Variants in ADGRB3 observed in about 807,000 individuals in gnomAD.
ADGRB3 encodes brain-specific angiogenesis inhibitor 3.
ADGRB3 carries 37 observed loss-of-function variants against 193.4 expected under a neutral mutation model. The observed-to-expected ratio is 0.19, with a 90% CI of 0.15 to 0.25. The LOEUF is 0.25. Among genes scored for constraint, ADGRB3 ranks in the 10% least tolerant of loss-of-function variants. The probability of loss-of-function intolerance (pLI) is 1.00; values close to 1 mark genes in which losing one functional copy is unlikely to be tolerated. For synonymous variants in ADGRB3, 690 were observed against 644.2 expected, an observed-to-expected ratio of 1.07 and a Z score of -1.08; for missense variants, 1,637 against 1,852.9, an observed-to-expected ratio of 0.88 and a Z score of 2.14.
intron 11 of ADGRB3, among the ~76,000 whole-genome samples, chr6:69,010,054 C>T (rs1053881791): frequency 3.3e-5 from 5 of 151,930 alleles, no homozygotes; most frequent in African/African-American, 1.2e-4. Context: ...AATCTAGGGC[C>T]TCTACTTTGA....
chr6:69,288,872 A>G (rs190586123), intron 20 of ADGRB3, among the ~76,000 whole-genome samples: 5 of 152,238 alleles, frequency 3.3e-5, no homozygotes, highest in East Asian at 1.9e-4. Context: ...AGGTGGTGTT[A>G]TTGGTACAAG....
At chr6:68,996,501 A>G (rs887184545) in intron 11 of ADGRB3, among the ~76,000 whole-genome samples, 2 of 152,204 alleles carry the variant, frequency 1.3e-5, no homozygotes, top group Non-Finnish European at 1.5e-5. Flanking sequence ...TACACTCCAC[A>G]TATGTAGGTT....
At chr6:69,382,785 A>G in intron 30 of ADGRB3, 46 bp from the exon 31 acceptor site, 1 of 1,360,402 alleles carries the variant, frequency 7.4e-7, no homozygotes, top group Non-Finnish European at 1.0e-6. Flanking sequence ...TGTTTGAAAA[A>G]CATACATCAA....
intron 3 of ADGRB3, among the ~76,000 whole-genome samples, chr6:68,653,366 G>C (rs553762156): frequency 1.9e-4 from 29 of 152,160 alleles, no homozygotes; most frequent in Non-Finnish European, 3.1e-4. Flanking sequence ...GTGGATTGGG[G>C]AACAGTTGTG....
Position 69,332,948 on chromosome 6 carries a change from T to C in ADGRB3, c.3128T>C (p.Val1043Ala). The change falls in exon 24 of 32, where the codon GTA becomes GCA. Residue 1043 changes from valine (V) to alanine (A), a missense_variant. Val to Ala is a moderately conservative substitution (Grantham distance 64). Transcript: ENST00000370598. ...GTCAACATGGTGATTGGCATTTTGG[T>C]ATTTAATAAACTTGTTTCCAGAGAT... ...VLVNMVIGILVFNKLVSRDGI... is the reference protein window; with the variant it reads ...VLVNMVIGILAFNKLVSRDGI... The C allele has an allele frequency of 6.2e-7, 1 of 1,613,950 alleles. No homozygotes were observed. The highest frequency in any genetic ancestry group is 2.2e-5 in the East Asian group (1 of 44,846).
At position 69,063,257 on chromosome 6, in the gene ADGRB3, A is replaced by G. The variant is rs1333608173; in HGVS notation, c.2436+221A>G. On this transcript the variant is annotated intron_variant, in intron 16 of 31. Transcript: ENST00000370598. ...ATCCAAATGAGTATATGTATTATAAAGAAACAAAGAATGGTTATTCTATGC... is the reference window on the plus strand; with the variant it reads ...ATCCAAATGAGTATATGTATTATAAGGAAACAAAGAATGGTTATTCTATGC... Among the ~76,000 whole-genome samples, 5 of 152,054 alleles carry G rather than the reference A, an allele frequency of 3.3e-5. No homozygotes were observed. In the South Asian group the frequency reaches 1.0e-3, roughly 31 times the overall value.
At chr6:69,029,590 A>G (rs935947372) in intron 13 of ADGRB3, among the ~76,000 whole-genome samples, 12 of 152,216 alleles carry the variant, frequency 7.9e-5, no homozygotes, top group Non-Finnish European at 1.5e-4. Flanking sequence ...GGGAAAATCA[A>G]TAGGAAAAGT....
intron 13 of ADGRB3, among the ~76,000 whole-genome samples, chr6:69,023,079 G>C (rs552310706): frequency 6.6e-6 from 1 of 152,084 alleles, no homozygotes; most frequent in African/African-American, 2.4e-5. Flanking sequence ...TCATTGAACT[G>C]AATTCAAGGA....
At chr6:69,209,677 G>A (rs1282262049) in intron 17 of ADGRB3, among the ~76,000 whole-genome samples, 1 of 152,214 alleles carries the variant, frequency 6.6e-6, no homozygotes, top group Admixed American at 6.5e-5. Context: ...CTTGCCAGCT[G>A]AAGGCAAATT....
chr6:69,113,678 A>C (rs756666470), intron 17 of ADGRB3, among the ~76,000 whole-genome samples: 11 of 152,208 alleles, frequency 7.2e-5, no homozygotes, highest in Non-Finnish European at 1.3e-4. Flanking sequence ...AAAGTGTGAG[A>C]AAAATAAACT....
At chr6:68,678,700 T>TTG (rs137961669) in intron 3 of ADGRB3, among the ~76,000 whole-genome samples, 89 of 151,294 alleles carry the variant, frequency 5.9e-4, no homozygotes, top group East Asian at 4.8e-3. Context: ...TTGCATCTAT[T>TTG]TGTGTGTGTG....
At chr6:69,279,103 A>ATATATATATATATG (rs1767368825) in intron 20 of ADGRB3, among the ~76,000 whole-genome samples, 2 of 134,774 alleles carry the variant, frequency 1.5e-5, no homozygotes, top group Non-Finnish European at 3.2e-5. Context: ...ATATATATAT[A>ATATATATATATATG]TATATATATA....
At chr6:69,031,550 T>TTTCTTTCTTTCTTTCTTTCTTTCTTTC in intron 13 of ADGRB3, among the ~76,000 whole-genome samples, 1,165 of 70,094 alleles carry the variant, frequency 0.017, 207 homozygotes, top group East Asian at 0.03. Context: ...TCTTTCTTTC[T>TTTCTTTCTTTCTTTCTTTCTTTCTTTC]TTTTCTTTCT....
intron 6 of ADGRB3, among the ~76,000 whole-genome samples, chr6:68,950,352 C>A (rs1440221220): frequency 6.6e-6 from 1 of 152,088 alleles, no homozygotes; most frequent in Non-Finnish European, 1.5e-5. Flanking sequence ...AGTGTTGATT[C>A]TGACCTGGCT....
At chr6:69,248,629 T>C (rs1766547992) in intron 20 of ADGRB3, among the ~76,000 whole-genome samples, 1 of 152,248 alleles carries the variant, frequency 6.6e-6, no homozygotes, top group African/African-American at 2.4e-5. Flanking sequence ...TTAGGCTTTG[T>C]AGGACATATG....
chr6:69,126,040 G>T (rs566367348), intron 17 of ADGRB3, among the ~76,000 whole-genome samples: 2 of 152,016 alleles, frequency 1.3e-5, no homozygotes, highest in African/African-American at 4.8e-5. Context: ...TGTGCTTTTC[G>T]CCCTAGATAC....
intron 3 of ADGRB3, among the ~76,000 whole-genome samples, chr6:68,750,327 G>T (rs572241978): frequency 8.5e-5 from 13 of 152,234 alleles, no homozygotes; most frequent in African/African-American, 3.1e-4. Flanking sequence ...TACAATCTAT[G>T]TGACTCGGGG....
chr6:69,040,488 G>T (rs1771022516), intron 13 of ADGRB3, among the ~76,000 whole-genome samples: 1 of 151,074 alleles, frequency 6.6e-6, no homozygotes, highest in African/African-American at 2.4e-5. Context: ...TACAAGAGTT[G>T]GGTATATGGC....
intron 3 of ADGRB3, among the ~76,000 whole-genome samples, chr6:68,820,436 C>T (rs1767728326): frequency 6.6e-6 from 1 of 151,824 alleles, no homozygotes; most frequent in South Asian, 2.1e-4. Flanking sequence ...GTGTAACGGT[C>T]ACACCAGGGT....
Sources: gnomAD v4.1 joint callset for allele counts (sites outside exome capture counted in the v4.1 genomes callset) on GRCh38, gnomAD v4.1.1 for gene constraint, MANE v1.5 for transcripts, NCBI Gene and HGNC (gene_info 2026-07-23, HGNC 2026-07-21) for gene names.